The following ASXL2 variants were observed in gnomAD, a reference collection of about 807,000 sequenced individuals.
The protein encoded by ASXL2 is putative Polycomb group protein ASXL2.
A neutral mutation model predicts 122.0 loss-of-function variants in ASXL2; 23 were observed. That is an observed-to-expected ratio of 0.19 (90% CI 0.14 to 0.27). ASXL2 has a LOEUF of 0.27. Ranked by LOEUF, ASXL2 falls within the 10% of genes least tolerant of loss-of-function variation. ASXL2 has a pLI of 1.00. For missense variants in ASXL2, 1,518 were observed against 1,713.8 expected (o/e 0.89, Z 2.02); for synonymous variants, 650 against 637.0 (o/e 1.02, Z -0.31).
At position 25,742,395 on chromosome 2, in the gene ASXL2, C is replaced by G. The variant is rs558833597; in HGVS notation, c.3942G>C (p.Pro1314=). The G allele has an allele frequency of 1.0e-6, 1 of 978,520 alleles. No individual in the cohort carries two copies. 60.6% of individuals were successfully genotyped at this position (978,520 alleles called of 1,614,324 possible). The change falls in exon 13 of 13, where the codon CCG becomes CCC. Residue 1314 remains proline, a synonymous_variant. Transcript: ENST00000435504. ...TCTGGGTGGGGCTTCCATACAACTT[C>G]GGGGTTTGCAGGGGTGGAAGGAGTA... The part of the protein sequence containing the change: ...QPLLLPPLQT[P]KLYGSPTQIG...
At chr2:25,855,823 G>A (rs1400532021) in intron 1 of ASXL2, among the ~76,000 whole-genome samples, 11 of 138,208 alleles carry the variant, frequency 8.0e-5, no homozygotes, top group East Asian at 2.0e-4. Context: ...GCGACAGAGC[G>A]AGACTCCGTC....
chr2:25,749,769 G>T lies in ASXL2; in HGVS notation c.1787C>A (p.Pro596Gln). The change falls in exon 12 of 13, where the codon CCA becomes CAA. Residue 596 changes from proline (P) to glutamine (Q), a missense_variant. By Grantham distance (76) the Pro-to-Gln change is moderately conservative. Around this residue, in one of 8 missense-constraint regions of ASXL2, gnomAD observed 292 missense variants for 293.5 expected, o/e 1.00. Coordinates refer to ENST00000435504, the MANE Select transcript of ASXL2 (RefSeq NM_018263.6). The stretch of plus-strand genomic sequence containing the variant: ...AAAGGGCTGTGGTGAGACCTGAAAT[G>T]GCTGCTGGTGCTGGCGATTCTCAGT... ...RVTENRQHQQ[P>Q]FQVSPQPFLN... 2 of 1,595,416 alleles carry T rather than the reference G, an allele frequency of 1.3e-6. No homozygotes were observed. The highest frequency in any genetic ancestry group is 1.7e-6 in the Non-Finnish European group (2 of 1,174,066).
At chr2:25,788,941 A>G (rs34921778) in intron 5 of ASXL2, among the ~76,000 whole-genome samples, 48,729 of 151,716 alleles carry the variant, frequency 0.32, 8,353 homozygotes, top group African/African-American at 0.41. Flanking sequence ...TTAGAAAATT[A>G]CCTAGCTTTA....
intron 1 of ASXL2, among the ~76,000 whole-genome samples, chr2:25,852,412 C>T (rs932655297): frequency 6.6e-6 from 1 of 152,202 alleles, no homozygotes; most frequent in Admixed American, 6.5e-5. Context: ...ATTTCAATTA[C>T]TATTACATTA....
At position 25,742,184 on chromosome 2, in the gene ASXL2, G is replaced by C. The variant is rs369161602; in HGVS notation, c.4153C>G (p.Gln1385Glu). The C allele has an allele frequency of 1.7e-4, 278 of 1,613,912 alleles. No homozygotes were observed. The highest frequency in any genetic ancestry group is 2.2e-4 in the Non-Finnish European group (261 of 1,179,922). The change falls in exon 13 of 13, where the codon CAG (glutamine) becomes GAG (glutamate). Residue 1385 changes from glutamine (Q) to glutamate (E), a missense_variant. Gln to Glu is a conservative substitution (Grantham distance 29). Transcript: ENST00000435504. ...ATGCTGTTCTCTTCGGAGAACGCCTGAACAGGAATGGTCTGGCCATGGCTG... is the reference window on the plus strand; with the variant it reads ...ATGCTGTTCTCTTCGGAGAACGCCTCAACAGGAATGGTCTGGCCATGGCTG... Reference protein sequence around the residue: ...PSSHGQTIPVQAFSEENSIEG... With the variant: ...PSSHGQTIPVEAFSEENSIEG...
rs943495829 is a variant in ASXL2 at position 25,736,545 on chromosome 2, C to T, written c.*5484G>A. ...TTCAGCTAAGATCTAGACTGCTGTTCTCTTGGAAGGCTGAATTATCTCCAA... is the reference window on the plus strand; with the variant it reads ...TTCAGCTAAGATCTAGACTGCTGTTTTCTTGGAAGGCTGAATTATCTCCAA... On this transcript the variant is annotated 3_prime_UTR_variant, in exon 13 of 13. Coordinates refer to ENST00000435504, the MANE Select transcript of ASXL2 (RefSeq NM_018263.6). 2 of 151,914 alleles carry T rather than the reference C, an allele frequency of 1.3e-5. No homozygotes were observed. Among genetic ancestry groups the T allele is most frequent in the East Asian group, 3.9e-4 (2 of 5,178 alleles). The allele number at this position is 151,914 out of a possible 1,614,324, so 9.4% of individuals were successfully genotyped here.
chr2:25,740,043 CTCCTTA>C lies in ASXL2; in HGVS notation c.*1980_*1985del. The C allele has an allele frequency of 4.4e-6, 1 of 226,306 alleles. No individual in the cohort carries two copies. The highest frequency in any genetic ancestry group is 8.8e-6 in the Non-Finnish European group (1 of 113,644). The allele number at this position is 226,306 out of a possible 1,614,324, so 14.0% of individuals were successfully genotyped here. A position where few individuals can be genotyped will look rare whatever the true frequency, so the allele number is the denominator to read the frequency against. On this transcript the variant is annotated 3_prime_UTR_variant, in exon 13 of 13. Coordinates refer to ENST00000435504, the MANE Select transcript of ASXL2 (RefSeq NM_018263.6). ...TACTGGTTCTTGGCTTGAAAATATACTCCTTATCCCCAATCCTTGCAGCCTTCTTAT... is the reference window on the plus strand; with the variant it reads ...TACTGGTTCTTGGCTTGAAAATATACTCCCCAATCCTTGCAGCCTTCTTAT...
At position 25,756,075 on chromosome 2, in the gene ASXL2, G is replaced by A; in HGVS notation, c.979C>T (p.Leu327Phe). 6.2e-7 allele frequency: 1 copy of A among 1,610,982 alleles called. No homozygotes were observed. The highest frequency in any genetic ancestry group is 8.5e-7 in the Non-Finnish European group (1 of 1,178,770). The change falls in exon 10 of 13, where the codon CTT (leucine) becomes TTT (phenylalanine). Residue 327 changes from leucine (L) to phenylalanine (F), a missense_variant. By Grantham distance (22) the Leu-to-Phe change is conservative (BLOSUM62 0). Coordinates refer to ENST00000435504, the MANE Select transcript of ASXL2 (RefSeq NM_018263.6). ...DGLMKLNGSA[L>F]NNEFFTSAAQ... Reference sequence around the variant, plus strand: ...GCTGAAGTGAAGAATTCATTGTTAAGGGCTGAGCCATTTAACTTCATTAAA... The same window carrying A: ...GCTGAAGTGAAGAATTCATTGTTAAAGGCTGAGCCATTTAACTTCATTAAA...
intron 2 of ASXL2, among the ~76,000 whole-genome samples, chr2:25,841,198 A>G (rs914453470): frequency 1.3e-5 from 2 of 152,182 alleles, no homozygotes; most frequent in Non-Finnish European, 2.9e-5. Flanking sequence ...TAGGAGGCTG[A>G]GGTCATGGGA....
At position 25,781,521 on chromosome 2, in the gene ASXL2, T is replaced by C. The variant is rs191867444; in HGVS notation, c.404-9981A>G. Among the ~76,000 whole-genome samples the C allele has an allele frequency of 1.9e-3, 295 of 152,192 alleles. 1 individual carries two copies. Among genetic ancestry groups the C allele is most frequent in the African/African-American group, 6.9e-3 (287 of 41,548 alleles). The stretch of plus-strand genomic sequence containing the variant: ...ATGGTGGCTGATTATTACATATTAA[T>C]TTTATTTACATCTATTTATTTACAA... On this transcript the variant is annotated intron_variant, in intron 5 of 12. Coordinates refer to ENST00000435504, the MANE Select transcript of ASXL2 (RefSeq NM_018263.6).
At chr2:25,764,405 A>G (rs1256398000) in intron 8 of ASXL2, among the ~76,000 whole-genome samples, 2 of 151,466 alleles carry the variant, frequency 1.3e-5, no homozygotes, top group African/African-American at 4.9e-5. Flanking sequence ...CATAAAATAC[A>G]CTAACACTAA....
chr2:25,830,241 G>C (rs2089434030), intron 3 of ASXL2, among the ~76,000 whole-genome samples: 1 of 152,182 alleles, frequency 6.6e-6, no homozygotes, highest in African/African-American at 2.4e-5. Context: ...TAACATGATA[G>C]CCAAAATATC....
chr2:25,747,031 T>C (rs1420678435), intron 12 of ASXL2, among the ~76,000 whole-genome samples: 1 of 152,216 alleles, frequency 6.6e-6, no homozygotes, highest in Non-Finnish European at 1.5e-5. Flanking sequence ...TTCCCATATA[T>C]TTTAAGTCAT....
chr2:25,865,306 C>CT (rs2089888685), intron 1 of ASXL2, among the ~76,000 whole-genome samples: 1 of 151,768 alleles, frequency 6.6e-6, no homozygotes, highest in African/African-American at 2.4e-5. Context: ...TGGCGCGCAC[C>CT]TTTAAGTCCC....
chr2:25,876,004 G>A (rs1057428242), intron 1 of ASXL2, among the ~76,000 whole-genome samples: 6 of 151,444 alleles, frequency 4.0e-5, no homozygotes, highest in East Asian at 1.9e-4. Context: ...TTTGAACACC[G>A]AGATTTAGTT....
At chr2:25,877,858 C>A (rs2090022524) in intron 1 of ASXL2, among the ~76,000 whole-genome samples, 1 of 152,250 alleles carries the variant, frequency 6.6e-6, no homozygotes, top group South Asian at 2.1e-4. Context: ...CCACAGACTT[C>A]CCCGTGCCGG....
rs768871277 is a variant in ASXL2, at chr2:25,742,290, C to G, written c.4047G>C (p.Gln1349His). Reference protein sequence around the residue: ...MDHNSAVPGSQVSSNVGDVMS... With the variant: ...MDHNSAVPGSHVSSNVGDVMS... ...TGACATCACCTACATTGCTAGATACCTGGCTACCTGGTACAGCAGAGTTAT... is the reference window on the plus strand; with the variant it reads ...TGACATCACCTACATTGCTAGATACGTGGCTACCTGGTACAGCAGAGTTAT... Residue 1349 changes from glutamine to histidine, a missense_variant, in exon 13 of 13, where the codon CAG becomes CAC. Physicochemically the swap from Gln to His is conservative, Grantham distance 24 (BLOSUM62 0). Coordinates refer to ENST00000435504, the MANE Select transcript of ASXL2 (RefSeq NM_018263.6). 1.9e-6 allele frequency: 3 copies of G among 1,613,974 alleles called. No individual in the cohort carries two copies. The highest frequency in any genetic ancestry group is 2.5e-6 in the Non-Finnish European group (3 of 1,179,880).
intron 1 of ASXL2, among the ~76,000 whole-genome samples, chr2:25,855,831 G>A (rs1448593971): frequency 2.4e-5 from 3 of 124,530 alleles, no homozygotes; most frequent in African/African-American, 6.4e-5. Flanking sequence ...GCGAGACTCC[G>A]TCTCAAAAAA....
At chr2:25,859,138 G>A (rs1008680959) in intron 1 of ASXL2, among the ~76,000 whole-genome samples, 1 of 150,912 alleles carries the variant, frequency 6.6e-6, no homozygotes, top group African/African-American at 2.5e-5. Context: ...ACAGGGTTTT[G>A]CTATGTTGCC....
Sources: gnomAD v4.1 joint callset for allele counts (sites outside exome capture counted in the v4.1 genomes callset) on GRCh38, gnomAD v4.1.1 for gene constraint, gnomAD v4.1.1 regional missense constraint, MANE v1.5 for transcripts, NCBI Gene and HGNC (gene_info 2026-07-23, HGNC 2026-07-21) for gene names.